LARP4B: variants seen among roughly 807,000 people sequenced by gnomAD.
LARP4B encodes La ribonucleoprotein 4B.
Under a neutral mutation model 89.8 loss-of-function variants are expected in LARP4B, and 12 were observed. That is an observed-to-expected ratio of 0.13 (90% CI 0.09 to 0.22). The LOEUF (loss-of-function observed/expected upper bound fraction) is 0.22, where lower values mean the gene tolerates loss of function less well. Among genes scored for constraint, LARP4B ranks in the 10% least tolerant of loss-of-function variants. The probability of loss-of-function intolerance (pLI) is 1.00; values close to 1 mark genes in which losing one functional copy is unlikely to be tolerated. For synonymous variants in LARP4B, 367 were observed against 363.3 expected, an observed-to-expected ratio of 1.01 and a Z score of -0.12; for missense variants, 757 against 947.7, an observed-to-expected ratio of 0.80 and a Z score of 2.64.
intron 1 of LARP4B, among the ~76,000 whole-genome samples, chr10:890,761 A>T (rs753885790): frequency 6.6e-6 from 1 of 152,122 alleles, no homozygotes; most frequent in Non-Finnish European, 1.5e-5. Context: ...GAAAAACCTG[A>T]GCAAATACTT....
chr10:827,010 C>G (rs1832659900), intron 11 of LARP4B, among the ~76,000 whole-genome samples: 1 of 152,190 alleles, frequency 6.6e-6, no homozygotes, highest in Non-Finnish European at 1.5e-5. Flanking sequence ...CGCAGTGGCT[C>G]ATGCCTATAA....
intron 1 of LARP4B, among the ~76,000 whole-genome samples, chr10:925,781 G>A (rs561378854): frequency 1.4e-4 from 22 of 152,292 alleles, no homozygotes; most frequent in African/African-American, 5.1e-4. Flanking sequence ...TGATCCACCC[G>A]CCTCGGCCTC....
intron 7 of LARP4B, among the ~76,000 whole-genome samples, chr10:842,438 C>T (rs1340832333): frequency 6.6e-6 from 1 of 151,974 alleles, no homozygotes; most frequent in Non-Finnish European, 1.5e-5. Context: ...CCTCATGATC[C>T]GCCCAACTCG....
chr10:978,260 C>A, the LARP4B span, among the ~76,000 whole-genome samples: 2 of 152,130 alleles, frequency 1.3e-5, no homozygotes, highest in African/African-American at 4.8e-5. Context: ...ATGTTTACCT[C>A]GTTAACTTTC....
the LARP4B span, among the ~76,000 whole-genome samples, chr10:958,837 C>G: frequency 5.3e-5 from 8 of 152,228 alleles, no homozygotes; most frequent in African/African-American, 1.9e-4. Flanking sequence ...ACATCACCCA[C>G]TATGCCAGCT....
At chr10:894,265 A>AT (rs1413789821) in intron 1 of LARP4B, among the ~76,000 whole-genome samples, 1 of 152,222 alleles carries the variant, frequency 6.6e-6, no homozygotes, top group East Asian at 1.9e-4. Flanking sequence ...AAGAGCCTGT[A>AT]TTTAATCATA....
the LARP4B span, among the ~76,000 whole-genome samples, chr10:960,770 A>C: frequency 4.1e-4 from 62 of 150,304 alleles, no homozygotes; most frequent in African/African-American, 1.3e-3. Flanking sequence ...CAAATGATTG[A>C]TGAATTAATT....
At chr10:922,193 G>A (rs1836998454) in intron 1 of LARP4B, among the ~76,000 whole-genome samples, 1 of 152,224 alleles carries the variant, frequency 6.6e-6, no homozygotes, top group Non-Finnish European at 1.5e-5. Context: ...TGCATGTGCA[G>A]TGCACAGTAG....
chr10:853,284 T>G (rs12768348), intron 5 of LARP4B, among the ~76,000 whole-genome samples: 16,767 of 152,228 alleles, frequency 0.11, 1,180 homozygotes, highest in Non-Finnish European at 0.16. Flanking sequence ...CAAAGTTCTG[T>G]TTTCCCAGTG....
intron 8 of LARP4B, 73 bp downstream of exon 8, chr10:836,330 G>A: frequency 9.1e-7 from 1 of 1,095,066 alleles, no homozygotes; most frequent in South Asian, 1.4e-5. Flanking sequence ...AAACACAAAA[G>A]TAAAATAAAA....
intron 1 of LARP4B, among the ~76,000 whole-genome samples, chr10:889,849 G>A (rs1369134408): frequency 6.6e-6 from 1 of 152,128 alleles, no homozygotes; most frequent in Non-Finnish European, 1.5e-5. Context: ...GGCTGAGGCA[G>A]GAGAATCACT....
the LARP4B span, among the ~76,000 whole-genome samples, chr10:980,646 G>T: frequency 1.3e-5 from 2 of 152,214 alleles, no homozygotes; most frequent in African/African-American, 4.8e-5. Flanking sequence ...GCTGAAATGT[G>T]GGAAGCAGTG....
At chr10:829,762 C>T (rs774714190) in intron 9 of LARP4B, 28 bp from the exon 10 acceptor site, 2 of 1,555,814 alleles carry the variant, frequency 1.3e-6, no homozygotes, top group Non-Finnish European at 1.8e-6. Flanking sequence ...TACAAAATTC[C>T]ATTCGATTAA....
chr10:881,121 G>C (rs1835650311), intron 3 of LARP4B, among the ~76,000 whole-genome samples: 1 of 152,196 alleles, frequency 6.6e-6, no homozygotes, highest in South Asian at 2.1e-4. Context: ...CGCTAACAGG[G>C]AAGGTAAAGA....
rs1247553594 is a variant in LARP4B, at chr10:931,669, C to G, written c.-281G>C. 6.6e-6 allele frequency: 1 copy of G among 152,556 alleles called. No individual in the cohort carries two copies. Among genetic ancestry groups the G allele is most frequent in the Non-Finnish European group, 1.5e-5 (1 of 68,318 alleles). 9.5% of individuals were successfully genotyped at this position (152,556 alleles called of 1,614,324 possible). A position where few individuals can be genotyped will look rare whatever the true frequency, so the allele number is the denominator to read the frequency against. On this transcript the variant is annotated 5_prime_UTR_variant, in exon 1 of 18. Coordinates refer to ENST00000316157, the MANE Select transcript of LARP4B (RefSeq NM_015155.3). ...TCTCAACCCCGGGACTCCAGATCCC[C>G]AACGCTCCTTCCCGTTCGCATGAGA...
At chr10:979,764 G>GAT in the LARP4B span, among the ~76,000 whole-genome samples, 3 of 152,170 alleles carry the variant, frequency 2.0e-5, no homozygotes, top group African/African-American at 7.2e-5. Context: ...GAGGTCAGGA[G>GAT]ATAGAGACCA....
intron 8 of LARP4B, among the ~76,000 whole-genome samples, chr10:833,000 T>C (rs914717931): frequency 3.9e-5 from 6 of 152,054 alleles, no homozygotes; most frequent in Admixed American, 2.6e-4. Flanking sequence ...AGAATTAGAA[T>C]GTGTGACAAC....
intron 12 of LARP4B, 146 bp from the exon 13 acceptor site, chr10:825,462 C>T: frequency 1.3e-6 from 1 of 799,896 alleles, no homozygotes; most frequent in Non-Finnish European, 1.9e-6. Flanking sequence ...TAACTCCTAA[C>T]ATATAGGATA....
At chr10:909,061 G>C (rs1420915654) in intron 1 of LARP4B, among the ~76,000 whole-genome samples, 13 of 152,054 alleles carry the variant, frequency 8.5e-5, no homozygotes, top group Admixed American at 8.5e-4. Flanking sequence ...TTGGGAGGCT[G>C]AGGCGGGCAG....
Sources: gnomAD v4.1 joint callset for allele counts (sites outside exome capture counted in the v4.1 genomes callset) on GRCh38, gnomAD v4.1.1 for gene constraint, MANE v1.5 for transcripts, NCBI Gene and HGNC (gene_info 2026-07-23, HGNC 2026-07-21) for gene names.